ZNF540: variants seen among roughly 807,000 people sequenced by gnomAD.
ZNF540 encodes CTD-3064H18.6.
ZNF540 carries 3 observed loss-of-function variants against 11.8 expected under a neutral mutation model. The ratio of observed to expected loss-of-function variants is 0.25; its 90% CI spans 0.12 to 0.65. ZNF540 has a LOEUF of 0.65. Ranked by LOEUF, ZNF540 falls within the 30% of genes least tolerant of loss-of-function variation. The pLI, the probability that ZNF540 is intolerant of heterozygous loss-of-function variation, is 0.83. For synonymous variants in ZNF540, 247 were observed against 259.0 expected, an observed-to-expected ratio of 0.95 and a Z score of 0.45; for missense variants, 709 against 793.1, an observed-to-expected ratio of 0.89 and a Z score of 1.27.
intron 4 of ZNF540, among the ~76,000 whole-genome samples, chr19:37,607,675 TTCTCTGG>T (rs2044095499): frequency 6.6e-6 from 1 of 152,158 alleles, no homozygotes; most frequent in African/African-American, 2.4e-5. Flanking sequence ...TAATAGTCCA[TTCTCTGG>T]ATGTACCACA....
intron 4 of ZNF540, among the ~76,000 whole-genome samples, chr19:37,605,426 G>C (rs1327800729): frequency 6.6e-6 from 1 of 152,138 alleles, no homozygotes; most frequent in Non-Finnish European, 1.5e-5. Context: ...GAGGTGGGTG[G>C]ATCACGAGGT....
In ZNF540 at chr19:37,565,991, T is replaced by C. The variant is rs2042843803; in HGVS notation, c.-73+14326T>C. 3 of 1,613,958 alleles carry C rather than the reference T, an allele frequency of 1.9e-6. 1 individual carries two copies. Among genetic ancestry groups the C allele is most frequent in the South Asian group, 2.2e-5 (2 of 91,080 alleles). ...AAGGCATGACAGGTAGCTGAAACCT[T>C]GTCTGCATTCCTTACATTTGTACAA... On this transcript the variant is annotated intron_variant, in intron 1 of 4. Coordinates refer to the ZNF540 transcript ENST00000592533.
At position 37,551,932 on chromosome 19, in the gene ZNF540, A is replaced by G. The variant is rs529077768; in HGVS notation, c.-73+267A>G. 1.0e-4 allele frequency among the ~76,000 whole-genome samples: 15 copies of G among 150,664 alleles called. No homozygotes were observed. In the South Asian group the frequency reaches 3.2e-3, roughly 32 times the overall value. On this transcript the variant is annotated intron_variant, in intron 1 of 4. Coordinates refer to the ZNF540 transcript ENST00000592533. ...TCTTATGCGCCCTCTTGTGGTCCCA[A>G]GTGTGCTTTTCTTGTTTTTCGCTTT...
intron 1 of ZNF540, chr19:37,556,149 G>A (rs752019160): frequency 3.8e-5 from 27 of 702,266 alleles, no homozygotes; most frequent in South Asian, 3.6e-4. Flanking sequence ...CTCTTCGCGG[G>A]TACGGGCTGG....
rs1474164880 is a variant in ZNF540, at chr19:37,599,751, G to T, written c.135G>T (p.Leu45=). Reference sequence around the variant, plus strand: ...AGAATTATAATAACTTGGTCTCACTGGGTAAGGTCACCTATGTCAAATAAT... The same window carrying T: ...AGAATTATAATAACTTGGTCTCACTTGGTAAGGTCACCTATGTCAAATAAT... ...MLENYNNLVS[L]GYSGSKPDVI... Residue 45 remains leucine, a splice_region_variant and synonymous_variant, in exon 3 of 5, where the codon CTG becomes CTT. Transcript: ENST00000316433. 1.2e-6 allele frequency: 2 copies of T among 1,601,310 alleles called. No homozygotes were observed. The highest frequency in any genetic ancestry group is 1.7e-6 in the Non-Finnish European group (2 of 1,173,094).
rs2044151537 is a variant in ZNF540, at chr19:37,613,834, A to T, written c.*571A>T. The stretch of plus-strand genomic sequence containing the variant: ...GTAACAATTCCTATGTTGAAACACG[A>T]ATCCCAAGGTGATGGTATTTGAAGG... On this transcript the variant is annotated 3_prime_UTR_variant, in exon 5 of 5. Coordinates refer to ENST00000316433, the MANE Select transcript of ZNF540 (RefSeq NM_001172225.3). 1 of 398,628 alleles carries T rather than the reference A, an allele frequency of 2.5e-6. No homozygotes were observed. The highest frequency in any genetic ancestry group is 3.6e-5 in the East Asian group (1 of 28,078). 24.7% of individuals were successfully genotyped at this position (398,628 alleles called of 1,614,324 possible). A position where few individuals can be genotyped will look rare whatever the true frequency, so the allele number is the denominator to read the frequency against.
chr19:37,598,617 T>A (rs897268249), intron 2 of ZNF540, among the ~76,000 whole-genome samples, 161 bp downstream of exon 2: 13 of 152,184 alleles, frequency 8.5e-5, no homozygotes, highest in Non-Finnish European at 1.9e-4. Flanking sequence ...AGTATCCACA[T>A]GCACATTGAC....
chr19:37,563,878 T>C (rs750651767), intron 1 of ZNF540: 7 of 151,918 alleles, frequency 4.6e-5, no homozygotes, highest in Non-Finnish European at 8.8e-5. Flanking sequence ...ACCTTGGCCA[T>C]CATTTTGTTA....
At chr19:37,572,757 A>C (rs1244152552) in intron 1 of ZNF540, among the ~76,000 whole-genome samples, 1 of 152,188 alleles carries the variant, frequency 6.6e-6, no homozygotes, top group African/African-American at 2.4e-5. Flanking sequence ...ACTTCAAATA[A>C]AATTAATTAA....
intron 1 of ZNF540, among the ~76,000 whole-genome samples, chr19:37,553,403 C>T (rs1250524638): frequency 2.0e-5 from 3 of 151,716 alleles, no homozygotes; most frequent in African/African-American, 4.8e-5. Flanking sequence ...AAAGTGCTGG[C>T]ATTACAGGCA....
Position 37,604,296 on chromosome 19 carries a change from C to CT in ZNF540, c.232+3220dup, listed in dbSNP as rs769163050. Among the ~76,000 whole-genome samples, 536 of 75,180 alleles carry CT rather than the reference C, an allele frequency of 7.1e-3. 70 individuals carry two copies. Among genetic ancestry groups the CT allele is most frequent in the African/African-American group, 9.0e-3 (169 of 18,832 alleles). 49.3% of individuals were successfully genotyped at this position (75,180 alleles called of 152,430 possible). Reference sequence around the variant, plus strand: ...CATAGAGCTTTGGAAAATAGCCTTACTTTTTTTTTTTTTTTTTTTTTTTTT... The same window carrying CT: ...CATAGAGCTTTGGAAAATAGCCTTACTTTTTTTTTTTTTTTTTTTTTTTTTT... On this transcript the variant is annotated intron_variant, in intron 4 of 4. Transcript: ENST00000316433.
chr19:37,604,424 T>G (rs183668185), intron 4 of ZNF540, among the ~76,000 whole-genome samples: 4 of 149,274 alleles, frequency 2.7e-5, no homozygotes, highest in Admixed American at 2.0e-4. Context: ...TCTCCTGCCT[T>G]AGCCTCTGGA....
At chr19:37,587,279 G>C (rs2043707575) in intron 1 of ZNF540, 1 of 152,234 alleles carries the variant, frequency 6.6e-6, no homozygotes, top group South Asian at 2.1e-4. Context: ...TATGGCTGGA[G>C]TATTCTCCCA....
chr19:37,556,153 G>T, intron 1 of ZNF540: 1 of 702,210 alleles, frequency 1.4e-6, no homozygotes, highest in Non-Finnish European at 2.6e-6. Context: ...TCGCGGGTAC[G>T]GGCTGGCTCT....
intron 4 of ZNF540, among the ~76,000 whole-genome samples, chr19:37,608,569 T>G (rs1157548136): frequency 6.6e-6 from 1 of 152,206 alleles, no homozygotes; most frequent in East Asian, 1.9e-4. Flanking sequence ...TTCTCGCCTT[T>G]TAGTTTTCCT....
intron 1 of ZNF540, among the ~76,000 whole-genome samples, chr19:37,582,345 A>C (rs974088568): frequency 6.6e-6 from 1 of 152,162 alleles, no homozygotes; most frequent in Non-Finnish European, 1.5e-5. Context: ...CTCTCAGCTA[A>C]CTGCTTCCTC....
At chr19:37,554,062 C>T in intron 1 of ZNF540, among the ~76,000 whole-genome samples, 1 of 152,058 alleles carries the variant, frequency 6.6e-6, no homozygotes, top group East Asian at 1.9e-4. Context: ...AACTGCATAT[C>T]CCTGGGGTTT....
At position 37,561,071 on chromosome 19, in the gene ZNF540, A is replaced by AAG. The variant is rs2081014176; in HGVS notation, c.-73+9407_-73+9408insGA. Among the ~76,000 whole-genome samples the AAG allele has an allele frequency of 2.7e-5, 4 of 150,388 alleles. No individual in the cohort carries two copies. The South Asian group carries it at 8.4e-4, about 32-fold the overall frequency. The stretch of plus-strand genomic sequence containing the variant: ...TACAAAAAAAAAAAAAAAAAAAAAA[A>AAG]AAAGAAAGAAAAAATTTAAATTATC... On this transcript the variant is annotated intron_variant, in intron 1 of 4. Coordinates refer to the ZNF540 transcript ENST00000592533.
intron 1 of ZNF540, among the ~76,000 whole-genome samples, chr19:37,579,284 T>C (rs2043359906): frequency 6.6e-6 from 1 of 152,204 alleles, no homozygotes; most frequent in South Asian, 2.1e-4. Context: ...GTGGGCCAGC[T>C]AGGGGCCTGG....
Sources: allele counts gnomAD v4.1 joint callset (sites outside exome capture counted in the v4.1 genomes callset), GRCh38; gene constraint gnomAD v4.1.1; transcripts MANE v1.5; gene names NCBI Gene and HGNC (gene_info 2026-07-23, HGNC 2026-07-21).